The following GOT1 variants were observed in gnomAD, a reference collection of about 807,000 sequenced individuals.
GOT1 encodes aspartate aminotransferase, cytoplasmic.
In GOT1, 25 loss-of-function variants were observed where a neutral mutation model predicts 48.2. The ratio of observed to expected loss-of-function variants is 0.52; its 90% confidence interval spans 0.38 to 0.72. The LOEUF (loss-of-function observed/expected upper bound fraction) is 0.72, where lower values mean the gene tolerates loss of function less well. Among genes scored for constraint, GOT1 ranks in the 30% least tolerant of loss-of-function variants. The pLI is 0.00. For missense variants in GOT1, 380 were observed against 520.1 expected (o/e 0.73, Z 2.62); for synonymous variants, 188 against 193.8 (o/e 0.97, Z 0.25).
At chr10:99,420,323 C>A (rs1010148075) in intron 2 of GOT1, 1 of 278,006 alleles carries the variant, frequency 3.6e-6, no homozygotes, top group Non-Finnish European at 6.8e-6. Context: ...AGAGTTGGAT[C>A]TAGAACCCTG....
In GOT1 at chr10:99,403,515, G is replaced by A. The variant is rs373027330; in HGVS notation, c.913C>T (p.Arg305Ter). The A allele has an allele frequency of 1.2e-6, 2 of 1,614,046 alleles. No homozygotes were observed. Among genetic ancestry groups the A allele is most frequent in the South Asian group, 1.1e-5 (1 of 91,078 alleles). Residue 305 changes from arginine to a stop codon, truncating the protein, a stop_gained, in exon 7 of 9, where the codon CGA becomes TGA. Transcript: ENST00000370508. LOFTEE classifies it high-confidence loss of function. ...TTAGAGAGGGTGCTGGCCACAATTCGTGCTCCCTGGGCGGGGGGATTGGAC... is the reference window on the plus strand; with the variant it reads ...TTAGAGAGGGTGCTGGCCACAATTCATGCTCCCTGGGCGGGGGGATTGGAC... ...TWSNPPAQGA[R>*]IVASTLSNPE...
At chr10:99,400,769 T>C (rs530892632) in intron 8 of GOT1, among the ~76,000 whole-genome samples, 6 of 152,296 alleles carry the variant, frequency 3.9e-5, no homozygotes, top group South Asian at 4.1e-4. Context: ...GGTGAAACCC[T>C]GTCTCTACTA....
intron 2 of GOT1, 42 bp from the exon 3 acceptor site, chr10:99,406,891 G>T: frequency 1.2e-6 from 2 of 1,601,438 alleles, no homozygotes; most frequent in Non-Finnish European, 8.6e-7. Flanking sequence ...TAATGGTGAG[G>T]TCAGATAATA....
At chr10:99,408,632 T>A (rs1229592136) in intron 2 of GOT1, among the ~76,000 whole-genome samples, 2 of 152,102 alleles carry the variant, frequency 1.3e-5, no homozygotes, top group African/African-American at 4.8e-5. Context: ...GACGTGAGAA[T>A]CATTTGAACC....
chr10:99,430,517 G>C lies in GOT1; in HGVS notation c.49C>G (p.Leu17Val). ...AAGTCGGCAGTGAGCTTGAAGACCA[G>C]GACAGGCTGGGCCTGCGGAACCTCG... Reference protein sequence around the residue: ...FAEVPQAQPVLVFKLTADFRE... With the variant: ...FAEVPQAQPVVVFKLTADFRE... Residue 17 changes from leucine to valine, a missense_variant, in exon 1 of 9, where the codon CTG (leucine) becomes GTG (valine). Transcript: ENST00000370508. 1 of 1,611,940 alleles carries C rather than the reference G, an allele frequency of 6.2e-7. No individual in the cohort carries two copies. The highest frequency in any genetic ancestry group is 2.2e-5 in the East Asian group (1 of 44,822).
Position 99,396,947 on chromosome 10 carries a change from T to A in GOT1, c.*600A>T, listed in dbSNP as rs933165169. 1 of 152,662 alleles carries A rather than the reference T, an allele frequency of 6.6e-6. No individual in the cohort carries two copies. Among genetic ancestry groups the A allele is most frequent in the African/African-American group, 2.4e-5 (1 of 41,474 alleles). The allele number at this position is 152,662 out of a possible 1,614,324, so 9.5% of individuals were successfully genotyped here. ...ATGGCTCAAAAATATCAGAATGCAC[T>A]ACGCACATCACGAGTAAATACTGTT... On this transcript the variant is annotated 3_prime_UTR_variant, in exon 9 of 9. Transcript: ENST00000370508.
chr10:99,411,013 G>T (rs912716286), intron 2 of GOT1, among the ~76,000 whole-genome samples: 1 of 152,244 alleles, frequency 6.6e-6, no homozygotes, highest in Non-Finnish European at 1.5e-5. Flanking sequence ...AGGAATAGGA[G>T]AGCAACCAGG....
chr10:99,428,461 G>A (rs1177880350), intron 1 of GOT1, among the ~76,000 whole-genome samples: 2 of 151,892 alleles, frequency 1.3e-5, no homozygotes, highest in Admixed American at 6.6e-5. Context: ...AGGTTCAAGC[G>A]ATTCTCCTGC....
chr10:99,405,201 C>T lies in GOT1; in HGVS notation c.642+555G>A, dbSNP rs1007295476. Among the ~76,000 whole-genome samples, 5 of 152,036 alleles carry T rather than the reference C, an allele frequency of 3.3e-5. No homozygotes were observed. The East Asian group carries it at 5.8e-4, about 18-fold the overall frequency. On this transcript the variant is annotated intron_variant, in intron 5 of 8. Transcript: ENST00000370508. Reference sequence around the variant, plus strand: ...TTCCTTAATAAGTATTCTACAAACTCGTTAAGGAAGAATATACACACTTTC... The same window carrying T: ...TTCCTTAATAAGTATTCTACAAACTTGTTAAGGAAGAATATACACACTTTC...
chr10:99,407,288 TAA>T (rs1210427495), intron 2 of GOT1, among the ~76,000 whole-genome samples: 3 of 152,192 alleles, frequency 2.0e-5, no homozygotes, highest in African/African-American at 7.2e-5. Context: ...CATAAGCCTC[TAA>T]AACAGTGTTC....
In GOT1 at chr10:99,406,158, C is replaced by A; in HGVS notation, c.516G>T (p.Gln172His). Residue 172 changes from glutamine to histidine, a missense_variant, in exon 4 of 9, where the codon CAG becomes CAT. By Grantham distance (24) the Gln-to-His change is conservative. Coordinates refer to ENST00000370508, the MANE Select transcript of GOT1 (RefSeq NM_002079.3). The stretch of plus-strand genomic sequence containing the variant: ...CCACCTCCAGATCATTCAGGAAGCC[C>A]TGGAGGTCCAATCCTCTCTTCTCTG... ...WDAEKRGLDL[Q>H]GFLNDLENAP... is the part of the protein sequence containing the mutation. 6.2e-7 allele frequency: 1 copy of A among 1,611,176 alleles called. No homozygotes were observed. The highest frequency in any genetic ancestry group is 8.5e-7 in the Non-Finnish European group (1 of 1,177,224).
At chr10:99,417,457 T>C (rs918752657) in intron 2 of GOT1, among the ~76,000 whole-genome samples, 40 of 152,112 alleles carry the variant, frequency 2.6e-4, no homozygotes, top group African/African-American at 9.7e-4. Context: ...TGTGGAGAAA[T>C]AGGAACACTT....
intron 1 of GOT1, among the ~76,000 whole-genome samples, chr10:99,426,798 T>C (rs1206922567): frequency 2.0e-5 from 3 of 152,354 alleles, no homozygotes; most frequent in East Asian, 1.9e-4. Flanking sequence ...GGAAACTAGC[T>C]GCAAGTAGGA....
At chr10:99,420,841 T>C in intron 1 of GOT1, 36 bp from the exon 2 acceptor site, 1 of 1,514,396 alleles carries the variant, frequency 6.6e-7, no homozygotes, top group Non-Finnish European at 9.1e-7. Context: ...TAGTGGAGGC[T>C]CATGCTGTGT....
At position 99,420,606 on chromosome 10, in the gene GOT1, T is replaced by A; in HGVS notation, c.300+18A>T. The A allele has an allele frequency of 6.3e-7, 1 of 1,583,146 alleles. No homozygotes were observed. The highest frequency in any genetic ancestry group is 8.6e-7 in the Non-Finnish European group (1 of 1,160,072). On this transcript the variant is annotated intron_variant, in intron 2 of 8. Coordinates refer to ENST00000370508, the MANE Select transcript of GOT1 (RefSeq NM_002079.3). ...TTTCAGTTTCTAAAGAGAAAATACATCCTTACCCAAAACTTACCCGCTTCT... is the reference window on the plus strand; with the variant it reads ...TTTCAGTTTCTAAAGAGAAAATACAACCTTACCCAAAACTTACCCGCTTCT...
At chr10:99,415,024 T>G (rs997499833) in intron 2 of GOT1, among the ~76,000 whole-genome samples, 2 of 151,864 alleles carry the variant, frequency 1.3e-5, no homozygotes, top group African/African-American at 4.8e-5. Context: ...ACATCACAAT[T>G]AAAAGAACTA....
At chr10:99,419,721 A>G (rs2032943202) in intron 2 of GOT1, among the ~76,000 whole-genome samples, 1 of 152,190 alleles carries the variant, frequency 6.6e-6, no homozygotes, top group Non-Finnish European at 1.5e-5. Context: ...GCCCAGCCAC[A>G]GTATGTTTTT....
chr10:99,422,672 T>A lies in GOT1; in HGVS notation c.119-1867A>T, dbSNP rs2032986091. ...CCATAAATAACAACTGTTAGTTTCTTACATATCCTTCCTGCATTTCCCTAT... is the reference window on the plus strand; with the variant it reads ...CCATAAATAACAACTGTTAGTTTCTAACATATCCTTCCTGCATTTCCCTAT... On this transcript the variant is annotated intron_variant, in intron 1 of 8. Coordinates refer to ENST00000370508, the MANE Select transcript of GOT1 (RefSeq NM_002079.3). Among the ~76,000 whole-genome samples, 4 of 152,326 alleles carry A rather than the reference T, an allele frequency of 2.6e-5. No individual in the cohort carries two copies. In the South Asian group the frequency reaches 8.3e-4, roughly 32 times the overall value.
intron 1 of GOT1, among the ~76,000 whole-genome samples, chr10:99,428,514 C>T (rs1301164468): frequency 3.3e-5 from 5 of 152,126 alleles, no homozygotes; most frequent in Non-Finnish European, 7.4e-5. Context: ...TGCACCACCA[C>T]GTCTGGCTAA....
Sources: gnomAD v4.1 joint callset for allele counts (sites outside exome capture counted in the v4.1 genomes callset) on GRCh38, gnomAD v4.1.1 for gene constraint, MANE v1.5 for transcripts, NCBI Gene and HGNC (gene_info 2026-07-23, HGNC 2026-07-21) for gene names.